HDAC4: variants seen among roughly 807,000 people sequenced by gnomAD.
HDAC4 encodes the protein histone deacetylase A.
In HDAC4, 16 loss-of-function variants were observed where a neutral mutation model predicts 135.1. That is an observed-to-expected ratio of 0.12 (90% confidence interval 0.08 to 0.18). The LOEUF is 0.18. HDAC4 is among the 10% of genes least tolerant of loss of function. The pLI, the probability that HDAC4 is intolerant of heterozygous loss-of-function variation, is 1.00. For synonymous variants in HDAC4, 685 were observed against 653.4 expected (o/e 1.05, Z -0.74); for missense variants, 1,143 against 1,511.8 (o/e 0.76, Z 4.05).
Position 239,349,421 on chromosome 2 carries a change from C to T in HDAC4, c.22+3257G>A, listed in dbSNP as rs1692962218. ...TTAATGATTTCTCTTCCTCCCAAAA[C>T]CCACTAAAATGATGAAAAGCAGGAT... is the stretch of plus-strand genomic sequence containing the variant. On this transcript the variant is annotated intron_variant, in intron 2 of 26. Coordinates refer to ENST00000543185, the MANE Select transcript of HDAC4 (RefSeq NM_001378414.1). This position sits in a 1 kb window ranked among gnomAD's most constrained non-coding sequence, Gnocchi z 5.7. 6.6e-6 allele frequency among the ~76,000 whole-genome samples: 1 copy of T among 152,232 alleles called. No homozygotes were observed. Among genetic ancestry groups the T allele is most frequent in the Admixed American group, 6.5e-5 (1 of 15,292 alleles).
At chr2:239,323,206 C>A (rs1024400813) in intron 2 of HDAC4, among the ~76,000 whole-genome samples, 1 of 152,124 alleles carries the variant, frequency 6.6e-6, no homozygotes, top group African/African-American at 2.4e-5. Flanking sequence ...ACAAAAAAAT[C>A]CCATTGCTGT....
chr2:239,064,973 G>A (rs886222663), intron 24 of HDAC4, among the ~76,000 whole-genome samples: 11 of 152,210 alleles, frequency 7.2e-5, no homozygotes, highest in East Asian at 1.9e-4. Flanking sequence ...ACCAGACCCC[G>A]CGAGCGCCGT....
At chr2:239,380,493 C>G (rs6712730) in intron 1 of HDAC4, among the ~76,000 whole-genome samples, 100,573 of 151,780 alleles carry the variant, frequency 0.66, 33,709 homozygotes, top group East Asian at 0.93. Flanking sequence ...TCACCACGGG[C>G]CTGACAGTAA....
At position 239,352,800 on chromosome 2, in the gene HDAC4, T is replaced by TA. The variant is rs1219122203; in HGVS notation, c.-102dup. Reference sequence around the variant, plus strand: ...CCAAACTCCCACCAACACATACAAGTACCGGGACGGTGAGGGCTGGGTCAC... The same window carrying TA: ...CCAAACTCCCACCAACACATACAAGTAACCGGGACGGTGAGGGCTGGGTCAC... On this transcript the variant is annotated 5_prime_UTR_variant, in exon 2 of 27. Transcript: ENST00000543185. The surrounding 1 kb of genome is among the most constrained non-coding windows in gnomAD (Gnocchi z 4.4). 1 of 1,171,084 alleles carries TA rather than the reference T, an allele frequency of 8.5e-7. No homozygotes were observed. Among genetic ancestry groups the TA allele is most frequent in the African/African-American group, 1.5e-5 (1 of 65,526 alleles). 72.5% of individuals were successfully genotyped at this position (1,171,084 alleles called of 1,614,324 possible). A position where few individuals can be genotyped will look rare whatever the true frequency, so the allele number is the denominator to read the frequency against.
At chr2:239,279,324 G>C (rs2050574987) in intron 2 of HDAC4, among the ~76,000 whole-genome samples, 1 of 152,228 alleles carries the variant, frequency 6.6e-6, no homozygotes. Flanking sequence ...AGGGATCAAT[G>C]AACAAACTGG....
At chr2:239,107,990 G>A (rs560420603) in intron 15 of HDAC4, 60 bp downstream of exon 15, 20 of 1,602,190 alleles carry the variant, frequency 1.2e-5, no homozygotes, top group South Asian at 2.2e-5. Flanking sequence ...GCGGGCCCAC[G>A]AGGGTCCCCT....
intron 22 of HDAC4, among the ~76,000 whole-genome samples, chr2:239,079,390 C>T (rs371259860): frequency 4.6e-5 from 7 of 152,192 alleles, no homozygotes; most frequent in Admixed American, 2.0e-4. Flanking sequence ...GGCTCACTGC[C>T]GGAGCAGCCA....
intron 1 of HDAC4, among the ~76,000 whole-genome samples, chr2:239,375,922 G>A (rs886301778): frequency 3.3e-5 from 5 of 152,338 alleles, no homozygotes; most frequent in East Asian, 1.9e-4. Flanking sequence ...CACCCCACCC[G>A]ACTGCGAGTG....
chr2:239,112,108 G>A (rs1286051330), intron 13 of HDAC4, among the ~76,000 whole-genome samples: 6 of 152,106 alleles, frequency 3.9e-5, no homozygotes, highest in African/African-American at 7.2e-5. Context: ...TGGAGCAGGT[G>A]CAGGGGAGTA....
chr2:239,082,483 C>T (rs2035437867), intron 20 of HDAC4, among the ~76,000 whole-genome samples: 1 of 152,256 alleles, frequency 6.6e-6, no homozygotes, highest in Admixed American at 6.5e-5. Flanking sequence ...CGCCATGGCA[C>T]AATCCTGACT....
Position 239,214,102 on chromosome 2 carries a change from T to C in HDAC4, c.94+22491A>G, listed in dbSNP as rs1575426593. On this transcript the variant is annotated intron_variant, in intron 3 of 26. Coordinates refer to ENST00000543185, the MANE Select transcript of HDAC4 (RefSeq NM_001378414.1). Reference sequence around the variant, plus strand: ...GGCTTGAAACAACGTATGTTTATTATCTTACAGTTCCGGAGGCCAGAGTCT... The same window carrying C: ...GGCTTGAAACAACGTATGTTTATTACCTTACAGTTCCGGAGGCCAGAGTCT... Among the ~76,000 whole-genome samples, 4 of 152,348 alleles carry C rather than the reference T, an allele frequency of 2.6e-5. No individual in the cohort carries two copies. In the South Asian group the frequency reaches 8.3e-4, roughly 32 times the overall value.
intron 2 of HDAC4, among the ~76,000 whole-genome samples, chr2:239,263,775 T>C (rs1318914754): frequency 1.3e-5 from 2 of 152,190 alleles, no homozygotes; most frequent in African/African-American, 4.8e-5. Context: ...CCAGTGCTGC[T>C]GTCCTGGGCA....
intron 15 of HDAC4, among the ~76,000 whole-genome samples, chr2:239,106,882 T>C (rs534296411): frequency 1.1e-4 from 17 of 152,196 alleles, no homozygotes; most frequent in African/African-American, 3.9e-4. Flanking sequence ...TCCAGGACTG[T>C]TGGAGGGGTG....
intron 2 of HDAC4, among the ~76,000 whole-genome samples, chr2:239,237,721 C>G (rs1006679440): frequency 6.6e-6 from 1 of 152,006 alleles, no homozygotes; most frequent in African/African-American, 2.4e-5. Flanking sequence ...GAAGTTAGAA[C>G]TGGGAAAGTG....
intron 9 of HDAC4, among the ~76,000 whole-genome samples, chr2:239,135,322 A>G (rs977790835): frequency 6.6e-6 from 1 of 152,244 alleles, no homozygotes; most frequent in Admixed American, 6.5e-5. Context: ...AATACTGGCC[A>G]TGTATGAGGC....
Position 239,400,099 on chromosome 2 carries a change from C to T in HDAC4, c.-220+879G>A, listed in dbSNP as rs72993798. ...CTTATGATTCCGTGGTGTGTTTTCG[C>T]AACGCCGGCAAACGCGGATCCCACC... On this transcript the variant is annotated intron_variant, in intron 1 of 26. Coordinates refer to ENST00000543185, the MANE Select transcript of HDAC4 (RefSeq NM_001378414.1). This position sits in a 1 kb window ranked among gnomAD's most constrained non-coding sequence, Gnocchi z 4.7. Among the ~76,000 whole-genome samples, 2,372 of 152,084 alleles carry T rather than the reference C, an allele frequency of 0.016. 19 individuals are homozygous for T. Among genetic ancestry groups the T allele is most frequent in the Middle Eastern group, 0.031 (9 of 292 alleles).
At chr2:239,197,987 G>T (rs1018544460) in intron 3 of HDAC4, among the ~76,000 whole-genome samples, 4 of 151,864 alleles carry the variant, frequency 2.6e-5, no homozygotes, top group African/African-American at 9.7e-5. Context: ...CGAGTAGCTG[G>T]GATTACAGGT....
chr2:239,206,367 G>A (rs545392704), intron 3 of HDAC4, among the ~76,000 whole-genome samples: 8 of 151,402 alleles, frequency 5.3e-5, no homozygotes, highest in African/African-American at 1.7e-4. Context: ...TTTAAAATAC[G>A]GCTGTTATAT....
chr2:239,048,783 C>G lies in HDAC4; in HGVS notation c.*4314G>C, dbSNP rs2030366177. 1 of 152,240 alleles carries G rather than the reference C, an allele frequency of 6.6e-6. No homozygotes were observed. The allele number at this position is 152,240 out of a possible 1,614,324, so 9.4% of individuals were successfully genotyped here. A position where few individuals can be genotyped will look rare whatever the true frequency, so the allele number is the denominator to read the frequency against. On this transcript the variant is annotated 3_prime_UTR_variant, in exon 27 of 27. Coordinates refer to ENST00000543185, the MANE Select transcript of HDAC4 (RefSeq NM_001378414.1). The stretch of plus-strand genomic sequence containing the variant: ...TTCGTTACAATGAAGAAATGGTTTC[C>G]TTTCGATGCAAAGTATAATTGTAAA...
Sources: gnomAD v4.1 joint callset for allele counts (sites outside exome capture counted in the v4.1 genomes callset) on GRCh38, gnomAD v4.1.1 for gene constraint, Gnocchi (gnomAD v3.1) non-coding constraint, MANE v1.5 for transcripts, NCBI Gene and HGNC (gene_info 2026-07-23, HGNC 2026-07-21) for gene names.